The following SLC4A8 variants were observed in gnomAD, a reference collection of about 807,000 sequenced individuals.
The protein encoded by SLC4A8 is solute carrier family 4 member 8.
A neutral mutation model predicts 125.0 loss-of-function variants in SLC4A8; 40 were observed. The observed-to-expected ratio is 0.32, with a 90% CI of 0.25 to 0.42. SLC4A8 has a LOEUF of 0.42. Ranked by LOEUF, SLC4A8 falls within the 10% of genes least tolerant of loss-of-function variation. The pLI is 1.00. For synonymous variants in SLC4A8, 456 were observed against 476.0 expected (o/e 0.96, Z 0.55); for missense variants, 863 against 1,355.1 (o/e 0.64, Z 5.70).
chr12:51,406,366 G>T (rs1948488649), intron 1 of SLC4A8, among the ~76,000 whole-genome samples: 4 of 152,190 alleles, frequency 2.6e-5, no homozygotes, highest in Admixed American at 2.6e-4. Context: ...TATTGATGTG[G>T]GGTAGAGTGT....
intron 1 of SLC4A8, among the ~76,000 whole-genome samples, chr12:51,404,710 A>G (rs1267602936): frequency 6.6e-6 from 1 of 152,168 alleles, no homozygotes; most frequent in Non-Finnish European, 1.5e-5. Flanking sequence ...ATAAAGAATG[A>G]GAGGACTCCA....
intron 16 of SLC4A8, among the ~76,000 whole-genome samples, chr12:51,477,873 A>G (rs1389949773): frequency 1.3e-5 from 2 of 152,178 alleles, no homozygotes; most frequent in Non-Finnish European, 2.9e-5. Context: ...TTACATCTGT[A>G]ATCCCAGCAT....
intron 4 of SLC4A8, among the ~76,000 whole-genome samples, 167 bp from the exon 5 acceptor site, chr12:51,453,372 A>G (rs1048656282): frequency 9.9e-5 from 15 of 152,200 alleles, no homozygotes; most frequent in African/African-American, 1.9e-4. Flanking sequence ...GCAGTGTTCT[A>G]TTACCTGCTT....
chr12:51,483,470 C>T (rs4761971), intron 16 of SLC4A8, among the ~76,000 whole-genome samples: 78,009 of 148,694 alleles, frequency 0.52, 20,552 homozygotes, highest in African/African-American at 0.56. Flanking sequence ...TTTTTCTTTT[C>T]TCTTTTTTTT....
chr12:51,459,820 G>A, intron 7 of SLC4A8, 131 bp from the exon 8 acceptor site: 1 of 722,068 alleles, frequency 1.4e-6, no homozygotes, highest in Non-Finnish European at 2.3e-6. Context: ...TGTGAGCTGA[G>A]ATTGCGCCAC....
chr12:51,476,164 A>C (rs544036207), intron 16 of SLC4A8, among the ~76,000 whole-genome samples: 42 of 152,328 alleles, frequency 2.8e-4, no homozygotes, highest in African/African-American at 9.4e-4. Flanking sequence ...GAAGAAATAC[A>C]TTGTGTATTT....
At chr12:51,496,832 CAAAG>C (rs1241552669) in intron 21 of SLC4A8, among the ~76,000 whole-genome samples, 151 bp from the exon 22 acceptor site, 1 of 152,158 alleles carries the variant, frequency 6.6e-6, no homozygotes, top group African/African-American at 2.4e-5. Context: ...TTACCTGGCA[CAAAG>C]AAAGCATTCA....
Position 51,508,168 on chromosome 12 carries a change from G to GT in SLC4A8, c.*730_*731insT, listed in dbSNP as rs369917036. On this transcript the variant is annotated 3_prime_UTR_variant, in exon 25 of 25. Coordinates refer to ENST00000453097, the MANE Select transcript of SLC4A8 (RefSeq NM_001039960.3). ...CATTTGAGTTGTGTCGCTTAGATAG[G>GT]AAAGGGATCCAGGGAAAATCAACAG... 23 of 152,374 alleles carry GT rather than the reference G, an allele frequency of 1.5e-4. No homozygotes were observed. The highest frequency in any genetic ancestry group is 5.3e-4 in the African/African-American group (22 of 41,568). 9.4% of individuals were successfully genotyped at this position (152,374 alleles called of 1,614,324 possible).
At chr12:51,410,510 T>C (rs1462616126) in intron 1 of SLC4A8, among the ~76,000 whole-genome samples, 2 of 151,852 alleles carry the variant, frequency 1.3e-5, no homozygotes, top group Non-Finnish European at 2.9e-5. Context: ...CAGGCTGGAG[T>C]GCAGTGGCGC....
chr12:51,432,539 A>G (rs1345446182), intron 1 of SLC4A8, among the ~76,000 whole-genome samples: 1 of 152,066 alleles, frequency 6.6e-6, no homozygotes, highest in Non-Finnish European at 1.5e-5. Context: ...CCTAGCGAAC[A>G]TGGCGAAACC....
intron 11 of SLC4A8, among the ~76,000 whole-genome samples, chr12:51,468,639 A>G (rs1388091509): frequency 6.6e-6 from 1 of 152,178 alleles, no homozygotes; most frequent in African/African-American, 2.4e-5. Context: ...AGGTGCCTGC[A>G]GTCCCAGCTA....
At chr12:51,500,850 C>CTTTT (rs71092703) in intron 22 of SLC4A8, among the ~76,000 whole-genome samples, 2 of 142,660 alleles carry the variant, frequency 1.4e-5, no homozygotes, top group African/African-American at 2.6e-5. Context: ...CTGCGCCTGG[C>CTTTT]TTTTTTTTTT....
At chr12:51,418,707 T>C (rs1948730993) in intron 1 of SLC4A8, among the ~76,000 whole-genome samples, 1 of 152,238 alleles carries the variant, frequency 6.6e-6, no homozygotes, top group African/African-American at 2.4e-5. Context: ...ATTCTATCTC[T>C]ATTCCTTTTT....
chr12:51,400,763 TATATATATATATATAC>T (rs1268095032), intron 1 of SLC4A8, among the ~76,000 whole-genome samples: 175 of 8,668 alleles, frequency 0.02, 18 homozygotes, highest in African/African-American at 0.054. Context: ...TATATATATA[TATATATATATATATAC>T]ATACATACAC....
At chr12:51,488,884 A>T (rs757560753) in intron 18 of SLC4A8, 24 bp downstream of exon 18, 1 of 1,596,856 alleles carries the variant, frequency 6.3e-7, no homozygotes. Flanking sequence ...CTGACCTAGA[A>T]GGCTGCTGTG....
At chr12:51,440,620 G>C in intron 1 of SLC4A8, 88 bp from the exon 2 acceptor site, 2 of 954,926 alleles carry the variant, frequency 2.1e-6, no homozygotes, top group Non-Finnish European at 3.2e-6. Context: ...TCCCCCGTAA[G>C]TATCTCAAAA....
intron 19 of SLC4A8, among the ~76,000 whole-genome samples, chr12:51,493,039 C>G (rs1433863158): frequency 6.6e-6 from 1 of 152,050 alleles, no homozygotes; most frequent in Non-Finnish European, 1.5e-5. Flanking sequence ...AAATTATAGT[C>G]CAATTTAGTT....
chr12:51,414,897 G>A lies in SLC4A8; in HGVS notation c.-112+23409G>A, dbSNP rs540453322. Among the ~76,000 whole-genome samples, 18 of 152,274 alleles carry A rather than the reference G, an allele frequency of 1.2e-4. No homozygotes were observed. In the South Asian group the frequency reaches 3.3e-3, roughly 28 times the overall value. ...AGAATGTTGGATTTTACCAAATGCC[G>A]TTTTAGCATCTATGGAAATAATCAT... On this transcript the variant is annotated intron_variant, in intron 1 of 24. Coordinates refer to the SLC4A8 transcript ENST00000358657.
chr12:51,483,715 T>A (rs1951090003), intron 16 of SLC4A8, among the ~76,000 whole-genome samples: 2 of 152,204 alleles, frequency 1.3e-5, no homozygotes, highest in South Asian at 4.1e-4. Context: ...TTTGGAAGTA[T>A]AATGCGAAAA....
Sources: allele counts gnomAD v4.1 joint callset (sites outside exome capture counted in the v4.1 genomes callset), GRCh38; gene constraint gnomAD v4.1.1; transcripts MANE v1.5; gene names NCBI Gene and HGNC (gene_info 2026-07-23, HGNC 2026-07-21).